The following NAV3 variants were observed in gnomAD, a reference collection of about 807,000 sequenced individuals.
NAV3 encodes the protein pore membrane and/or filament interacting like protein 1.
Under a neutral mutation model 244.7 loss-of-function variants are expected in NAV3, and 87 were observed. The observed-to-expected ratio is 0.36, with a 90% CI of 0.30 to 0.42. NAV3 has a LOEUF of 0.42. Among genes scored for constraint, NAV3 ranks in the 20% least tolerant of loss-of-function variants. The pLI, the probability that NAV3 is intolerant of heterozygous loss-of-function variation, is 1.00. For missense variants in NAV3, 2,663 were observed against 2,893.3 expected, an observed-to-expected ratio of 0.92 and a Z score of 1.83; for synonymous variants, 1,126 against 1,042.2, an observed-to-expected ratio of 1.08 and a Z score of -1.55.
At chr12:77,817,974 G>C (rs1872584873) in intron 2 of NAV3, among the ~76,000 whole-genome samples, 1 of 152,100 alleles carries the variant, frequency 6.6e-6, no homozygotes, top group South Asian at 2.1e-4. Context: ...TTGTGCTATT[G>C]AGATAGTACT....
chr12:78,117,349 A>AATATCTATTT (rs1955460574), intron 13 of NAV3, among the ~76,000 whole-genome samples: 1 of 10,138 alleles, frequency 9.9e-5, no homozygotes, highest in African/African-American at 2.5e-4. Flanking sequence ...AATATATAAA[A>AATATCTATTT]ATATATAACA....
upstream of NAV3, among the ~76,000 whole-genome samples, chr12:77,830,751 C>T (rs1246765859): frequency 6.6e-6 from 1 of 152,224 alleles, no homozygotes; most frequent in African/African-American, 2.4e-5. Context: ...AGACAAACAA[C>T]TTTATTGCTG....
At chr12:77,866,566 AT>A (rs2136394680) in intron 1 of NAV3, among the ~76,000 whole-genome samples, 1 of 152,316 alleles carries the variant, frequency 6.6e-6, no homozygotes, top group South Asian at 2.1e-4. Context: ...AATAAATAAG[AT>A]TTTATAGTTT....
intron 3 of NAV3, among the ~76,000 whole-genome samples, chr12:77,955,186 T>G (rs1891250104): frequency 6.6e-6 from 1 of 152,194 alleles, no homozygotes; most frequent in African/African-American, 2.4e-5. Context: ...TGGGAAGTTG[T>G]GGAGAAAGAT....
At chr12:78,019,960 A>T (rs1256053207) in intron 8 of NAV3, among the ~76,000 whole-genome samples, 3 of 152,234 alleles carry the variant, frequency 2.0e-5, no homozygotes, top group African/African-American at 7.2e-5. Context: ...TACATTGGGA[A>T]TTCAGAGTAA....
intron 2 of NAV3, among the ~76,000 whole-genome samples, chr12:77,633,075 T>C (rs899698900): frequency 6.6e-6 from 1 of 152,100 alleles, no homozygotes; most frequent in African/African-American, 2.4e-5. Context: ...ACTCAGTTAT[T>C]AGGTGAATTT....
chr12:78,163,835 C>G (rs964004405), intron 23 of NAV3, among the ~76,000 whole-genome samples: 1 of 152,000 alleles, frequency 6.6e-6, no homozygotes, highest in Non-Finnish European at 1.5e-5. Context: ...GATTTCAGAT[C>G]GTTTTCTCTT....
chr12:78,050,634 G>T, intron 10 of NAV3, 130 bp from the exon 11 acceptor site: 1 of 953,832 alleles, frequency 1.0e-6, no homozygotes, highest in Non-Finnish European at 1.6e-6. Flanking sequence ...TGAATATAGA[G>T]TTTAGCTTTC....
chr12:78,038,525 C>A (rs976608105), intron 9 of NAV3, among the ~76,000 whole-genome samples: 6 of 152,252 alleles, frequency 3.9e-5, no homozygotes, highest in Non-Finnish European at 8.8e-5. Context: ...ATAGCAGAGG[C>A]AAATATTGTT....
intron 1 of NAV3, among the ~76,000 whole-genome samples, chr12:77,834,406 T>G (rs1422946226): frequency 6.6e-6 from 1 of 152,142 alleles, no homozygotes; most frequent in Admixed American, 6.5e-5. Flanking sequence ...CAATTCAGAG[T>G]AAAAAGCAGG....
At chr12:77,781,412 C>T (rs1113599) in intron 2 of NAV3, among the ~76,000 whole-genome samples, 78,800 of 151,906 alleles carry the variant, frequency 0.52, 20,639 homozygotes, top group South Asian at 0.69. Flanking sequence ...CCTTATAACC[C>T]TTTATCAGAA....
chr12:78,022,238 T>C (rs1395268971), intron 9 of NAV3, among the ~76,000 whole-genome samples: 1 of 152,150 alleles, frequency 6.6e-6, no homozygotes, highest in African/African-American at 2.4e-5. Context: ...AAAACATCTC[T>C]ACAGGGTGGC....
intron 3 of NAV3, among the ~76,000 whole-genome samples, chr12:77,948,488 AT>A (rs1231015470): frequency 1.3e-5 from 2 of 151,820 alleles, no homozygotes; most frequent in African/African-American, 2.4e-5. Flanking sequence ...TAATTGGCAT[AT>A]TTTTATCCTG....
chr12:77,628,270 T>C (rs1871726360), intron 2 of NAV3, among the ~76,000 whole-genome samples: 1 of 152,182 alleles, frequency 6.6e-6, no homozygotes, highest in Non-Finnish European at 1.5e-5. Context: ...TCCATAAATA[T>C]GTACAATTAT....
intron 1 of NAV3, among the ~76,000 whole-genome samples, chr12:77,912,635 G>C (rs986979328): frequency 6.7e-6 from 1 of 149,678 alleles, no homozygotes; most frequent in African/African-American, 2.4e-5. Flanking sequence ...TTGTTTGTTT[G>C]TTTTCATTTT....
chr12:77,931,095 T>C (rs1888740208), intron 1 of NAV3, among the ~76,000 whole-genome samples: 2 of 135,832 alleles, frequency 1.5e-5, no homozygotes, highest in Admixed American at 7.5e-5. Flanking sequence ...TCTTATTTTT[T>C]GGAACTAGTA....
intron 1 of NAV3, among the ~76,000 whole-genome samples, chr12:77,930,686 T>C (rs982353247): frequency 2.6e-5 from 4 of 152,212 alleles, no homozygotes; most frequent in African/African-American, 7.2e-5. Context: ...CACCTGTTTG[T>C]TGGATTCCAT....
chr12:78,005,534 C>T (rs537948661), intron 7 of NAV3, among the ~76,000 whole-genome samples: 20 of 152,282 alleles, frequency 1.3e-4, no homozygotes, highest in African/African-American at 4.1e-4. Flanking sequence ...CACTGCAGAC[C>T]TGCTGTATCA....
rs765493515 is a variant in NAV3, at chr12:78,177,329, T to C, written c.5297+16T>C. ...CTGCTTCAGCGTAAGTTGCTCCTTC[T>C]GCAAAATGCAGACATATTTTTTAAA... On this transcript the variant is annotated intron_variant, in intron 27 of 39. Transcript: ENST00000397909. 4.4e-6 allele frequency: 7 copies of C among 1,598,418 alleles called. No homozygotes were observed. In the South Asian group the frequency reaches 7.9e-5, roughly 18 times the overall value.
Sources: allele counts gnomAD v4.1 joint callset (sites outside exome capture counted in the v4.1 genomes callset), GRCh38; gene constraint gnomAD v4.1.1; transcripts MANE v1.5; gene names NCBI Gene and HGNC (gene_info 2026-07-23, HGNC 2026-07-21).